Variants in MAP2K6 observed in about 807,000 individuals in gnomAD.
MAP2K6 encodes the protein dual specificity mitogen-activated protein kinase kinase 6.
MAP2K6 carries 16 observed loss-of-function variants against 53.7 expected under a neutral mutation model. The observed-to-expected ratio is 0.30, with a 90% confidence interval of 0.20 to 0.45. MAP2K6 has a LOEUF of 0.45. Ranked by LOEUF, MAP2K6 falls within the 20% of genes least tolerant of loss-of-function variation. The pLI is 1.00. For synonymous variants in MAP2K6, 132 were observed against 143.1 expected (o/e 0.92, Z 0.55); for missense variants, 204 against 411.9 (o/e 0.50, Z 4.37).
chr17:69,437,193 A>G (rs1906673206), intron 1 of MAP2K6, among the ~76,000 whole-genome samples: 1 of 152,190 alleles, frequency 6.6e-6, no homozygotes, highest in Non-Finnish European at 1.5e-5. Context: ...AAGCCTTACC[A>G]ATAACATACA....
intron 1 of MAP2K6, among the ~76,000 whole-genome samples, chr17:69,467,679 A>G (rs1907858374): frequency 6.6e-6 from 1 of 152,226 alleles, no homozygotes; most frequent in Non-Finnish European, 1.5e-5. Context: ...ATATCTATGT[A>G]TAACAGTAAC....
intron 1 of MAP2K6, chr17:69,485,553 G>C: frequency 3.1e-6 from 2 of 649,990 alleles, no homozygotes; most frequent in Non-Finnish European, 3.8e-6. Flanking sequence ...AATGTTTCTT[G>C]GCTTCATGCT....
chr17:69,495,023 C>T (rs2145206913), intron 1 of MAP2K6, among the ~76,000 whole-genome samples: 1 of 148,364 alleles, frequency 6.7e-6, no homozygotes, highest in South Asian at 2.1e-4. Flanking sequence ...AACCAAAAAC[C>T]AAAAAACAAA....
At chr17:69,455,725 G>T (rs569390761) in intron 1 of MAP2K6, among the ~76,000 whole-genome samples, 5 of 151,884 alleles carry the variant, frequency 3.3e-5, no homozygotes, top group South Asian at 2.1e-4. Flanking sequence ...TTTTCCCTCC[G>T]CCCTTAACCC....
chr17:69,526,444 CT>C, intron 9 of MAP2K6, 125 bp from the exon 10 acceptor site: 7 of 963,216 alleles, frequency 7.3e-6, no homozygotes, highest in Non-Finnish European at 1.1e-5. Flanking sequence ...TCCTGCCCCC[CT>C]ACCCCTGGAC....
At chr17:69,456,108 G>T (rs146757864) in intron 1 of MAP2K6, among the ~76,000 whole-genome samples, 1 of 152,060 alleles carries the variant, frequency 6.6e-6, no homozygotes, top group Admixed American at 6.6e-5. Context: ...AGATCCGCCC[G>T]CATCGGCCTC....
chr17:69,451,222 A>T (rs572519005), intron 1 of MAP2K6, among the ~76,000 whole-genome samples: 7 of 152,290 alleles, frequency 4.6e-5, no homozygotes, highest in African/African-American at 1.4e-4. Flanking sequence ...GGAACTGGGT[A>T]TTAAATAGCC....
rs1911939080 is a variant in MAP2K6 at position 69,547,917 on chromosome 17, A to G, written c.*6164A>G. 6.6e-6 allele frequency: 1 copy of G among 152,206 alleles called. No individual in the cohort carries two copies. Among genetic ancestry groups the G allele is most frequent in the Non-Finnish European group, 1.5e-5 (1 of 68,032 alleles). The allele number at this position is 152,206 out of a possible 1,614,324, so 9.4% of individuals were successfully genotyped here. A position where few individuals can be genotyped will look rare whatever the true frequency, so the allele number is the denominator to read the frequency against. ...GAATCACGAACCCAGACACTAGTCA[A>G]TCTCTCTATTCCCTGACTTGTACTG... On this transcript the variant is annotated 3_prime_UTR_variant, in exon 12 of 12. Transcript: ENST00000590474.
chr17:69,453,466 G>A (rs1053541785), intron 1 of MAP2K6, among the ~76,000 whole-genome samples: 1 of 152,226 alleles, frequency 6.6e-6, no homozygotes, highest in Non-Finnish European at 1.5e-5. Flanking sequence ...AAAGGAAGGT[G>A]TGGACATGGA....
intron 2 of MAP2K6, among the ~76,000 whole-genome samples, chr17:69,510,239 C>A (rs973943759): frequency 9.2e-5 from 14 of 152,052 alleles, no homozygotes; most frequent in African/African-American, 2.9e-4. Context: ...TTTGATCTGT[C>A]GATATGTAGA....
At position 69,552,520 on chromosome 17, in the gene MAP2K6, T is replaced by C. The variant is rs1912142290; in HGVS notation, c.*10767T>C. 2 of 152,174 alleles carry C rather than the reference T, an allele frequency of 1.3e-5. No individual in the cohort carries two copies. Among genetic ancestry groups the C allele is most frequent in the South Asian group, 4.1e-4 (2 of 4,830 alleles). 9.4% of individuals were successfully genotyped at this position (152,174 alleles called of 1,614,324 possible). A position where few individuals can be genotyped will look rare whatever the true frequency, so the allele number is the denominator to read the frequency against. ...GCTGAACTGTAGAGCATGAAACTCA[T>C]TAGAAGTTTATAAAGTAAAGACCTG... On this transcript the variant is annotated 3_prime_UTR_variant, in exon 12 of 12. Coordinates refer to ENST00000590474, the MANE Select transcript of MAP2K6 (RefSeq NM_002758.4).
At chr17:69,534,579 T>A (rs1457180157) in intron 10 of MAP2K6, among the ~76,000 whole-genome samples, 1 of 151,768 alleles carries the variant, frequency 6.6e-6, no homozygotes, top group East Asian at 1.9e-4. Flanking sequence ...TTTTTTTTAA[T>A]TTTATTTCGT....
chr17:69,488,006 C>A (rs1224644336), intron 1 of MAP2K6, among the ~76,000 whole-genome samples: 2 of 152,056 alleles, frequency 1.3e-5, no homozygotes, highest in Non-Finnish European at 2.9e-5. Context: ...GAAACTAACA[C>A]TAGAGTAAAC....
At chr17:69,521,192 G>T in intron 7 of MAP2K6, 92 bp downstream of exon 7, 1 of 1,121,480 alleles carries the variant, frequency 8.9e-7, no homozygotes. Flanking sequence ...CCCATGGGTG[G>T]AAGTAGAATT....
chr17:69,444,637 A>G (rs1331167592), intron 1 of MAP2K6, among the ~76,000 whole-genome samples: 1 of 152,174 alleles, frequency 6.6e-6, no homozygotes, highest in Non-Finnish European at 1.5e-5. Context: ...CAGTCTCTCC[A>G]TGTCTGCATC....
intron 1 of MAP2K6, 36 bp from the exon 2 acceptor site, chr17:69,505,744 T>C (rs1165882667): frequency 6.5e-7 from 1 of 1,545,002 alleles, no homozygotes; most frequent in South Asian, 1.1e-5. Flanking sequence ...TGCTATGATT[T>C]AGTCCTTAAC....
chr17:69,505,846 C>T lies in MAP2K6; in HGVS notation c.83C>T (p.Thr28Ile), dbSNP rs201975195. 1.2e-4 allele frequency: 199 copies of T among 1,612,812 alleles called. No individual in the cohort carries two copies. The highest frequency in any genetic ancestry group is 5.3e-5 in the African/African-American group (4 of 74,846). ...EAFEQPQTSS[T>I]PPRDLDSKAC... ...TTTGAACAACCTCAGACCAGTTCCA[C>T]GTAAGTTGACAAGACCATCATCTGA... Residue 28 changes from threonine to isoleucine, a missense_variant and splice_region_variant, in exon 2 of 12, where the codon ACA becomes ATA. Thr to Ile is a moderately conservative substitution (Grantham distance 89). Transcript: ENST00000590474.
intron 1 of MAP2K6, among the ~76,000 whole-genome samples, chr17:69,492,499 C>T (rs974970238): frequency 5.3e-5 from 8 of 152,172 alleles, no homozygotes; most frequent in Middle Eastern, 3.4e-3. Context: ...TATTCTGTCC[C>T]GTTAAAACAC....
chr17:69,523,532 T>C lies in MAP2K6; in HGVS notation c.554T>C (p.Val185Ala), dbSNP rs1159376383. The change falls in exon 8 of 12, where the codon GTA (valine) becomes GCA (alanine). Residue 185 changes from valine to alanine, a missense_variant. Physicochemically the swap from Val to Ala is moderately conservative, Grantham distance 64. Around this residue, in one of 3 missense-constraint regions of MAP2K6, gnomAD observed 129 missense variants for 247.1 expected, o/e 0.52. Coordinates refer to ENST00000590474, the MANE Select transcript of MAP2K6 (RefSeq NM_002758.4). ...CTTTCAGACGTCAAGCCTTCTAATGTACTCATCAATGCTCTCGGTCAAGTG... is the reference window on the plus strand; with the variant it reads ...CTTTCAGACGTCAAGCCTTCTAATGCACTCATCAATGCTCTCGGTCAAGTG... ...VIHRDVKPSNVLINALGQVKM... is the reference protein window; with the variant it reads ...VIHRDVKPSNALINALGQVKM... The C allele has an allele frequency of 1.2e-6, 2 of 1,614,112 alleles. No homozygotes were observed. Among genetic ancestry groups the C allele is most frequent in the Non-Finnish European group, 8.5e-7 (1 of 1,179,954 alleles).
Sources: gnomAD v4.1 joint callset for allele counts (sites outside exome capture counted in the v4.1 genomes callset) on GRCh38, gnomAD v4.1.1 for gene constraint, gnomAD v4.1.1 regional missense constraint, MANE v1.5 for transcripts, NCBI Gene and HGNC (gene_info 2026-07-23, HGNC 2026-07-21) for gene names.